Variants in XKR9 observed in about 807,000 individuals in gnomAD.
XKR9 encodes the protein XK related 9.
Under a neutral mutation model 32.0 loss-of-function variants are expected in XKR9, and 32 were observed. The observed-to-expected ratio is 1.00, with a 90% CI of 0.76 to 1.34. The LOEUF (loss-of-function observed/expected upper bound fraction) is 1.34. Ranked by LOEUF, XKR9 falls within the 40% of genes most tolerant of loss-of-function variation. XKR9 has a pLI of 0.00. For missense variants in XKR9, 546 were observed against 429.7 expected (o/e 1.27, Z -2.39); for synonymous variants, 168 against 143.4 (o/e 1.17, Z -1.22).
intron 3 of XKR9, among the ~76,000 whole-genome samples, chr8:70,693,985 G>A (rs1156925272): frequency 5.9e-5 from 9 of 152,180 alleles, no homozygotes; most frequent in Admixed American, 5.9e-4. Context: ...GGTGGTTGGA[G>A]GCCCAGGGCT....
At chr8:70,873,451 A>T in the XKR9 span, among the ~76,000 whole-genome samples, 2 of 152,240 alleles carry the variant, frequency 1.3e-5, no homozygotes, top group Non-Finnish European at 2.9e-5. Flanking sequence ...TACATGAGAG[A>T]AAGTCAAAAT....
the XKR9 span, among the ~76,000 whole-genome samples, chr8:70,861,329 G>T: frequency 1.3e-5 from 2 of 152,020 alleles, no homozygotes; most frequent in Non-Finnish European, 1.5e-5. Flanking sequence ...TCTGTAAAAT[G>T]GAGATTATAA....
chr8:71,028,523 A>G, the XKR9 span, among the ~76,000 whole-genome samples: 1 of 152,156 alleles, frequency 6.6e-6, no homozygotes, highest in East Asian at 1.9e-4. Flanking sequence ...GTCAAAGGGT[A>G]CAAATTTTCA....
chr8:71,025,885 G>A, the XKR9 span, among the ~76,000 whole-genome samples: 4 of 151,960 alleles, frequency 2.6e-5, no homozygotes, highest in Non-Finnish European at 2.9e-5. Context: ...CTTCCAACCC[G>A]GCCCTCATGT....
At chr8:70,823,157 G>T in the XKR9 span, among the ~76,000 whole-genome samples, 9,566 of 152,234 alleles carry the variant, frequency 0.063, 422 homozygotes, top group Non-Finnish European at 0.089. Flanking sequence ...ATGCCTTAAT[G>T]GTCCGGAGTT....
At chr8:70,867,287 A>AT in the XKR9 span, among the ~76,000 whole-genome samples, 1 of 152,082 alleles carries the variant, frequency 6.6e-6, no homozygotes, top group Admixed American at 6.6e-5. Flanking sequence ...CCATAATTAA[A>AT]TTACCTCCCA....
At chr8:70,744,416 T>C (rs991006650) in intron 2 of XKR9, among the ~76,000 whole-genome samples, 5 of 152,134 alleles carry the variant, frequency 3.3e-5, no homozygotes, top group Non-Finnish European at 5.9e-5. Context: ...AAAACTGCAA[T>C]ATAGATATTA....
chr8:70,905,816 T>G, the XKR9 span, among the ~76,000 whole-genome samples: 1 of 152,238 alleles, frequency 6.6e-6, no homozygotes, highest in Non-Finnish European at 1.5e-5. Context: ...GGTGTGGATG[T>G]CCTTTCTGTT....
intron 2 of XKR9, among the ~76,000 whole-genome samples, chr8:70,759,147 A>G (rs1807270773): frequency 6.6e-6 from 1 of 152,208 alleles, no homozygotes; most frequent in Non-Finnish European, 1.5e-5. Flanking sequence ...CCAGTTTTTC[A>G]TCAAAAATGG....
At chr8:70,700,670 G>T (rs1406854858) in intron 3 of XKR9, among the ~76,000 whole-genome samples, 1 of 152,170 alleles carries the variant, frequency 6.6e-6, no homozygotes, top group Non-Finnish European at 1.5e-5. Context: ...TGCCCGTTCT[G>T]AGATCTCCAG....
At chr8:70,893,678 A>G in the XKR9 span, among the ~76,000 whole-genome samples, 1 of 152,136 alleles carries the variant, frequency 6.6e-6, no homozygotes, top group Non-Finnish European at 1.5e-5. Flanking sequence ...TAACAGTGGC[A>G]GTGGTGTAGG....
chr8:70,875,198 A>T, the XKR9 span, among the ~76,000 whole-genome samples: 52 of 152,214 alleles, frequency 3.4e-4, no homozygotes, highest in South Asian at 3.7e-3. Flanking sequence ...TTTCCCCTAT[A>T]TTACATATTT....
chr8:70,805,339 C>T, the XKR9 span, among the ~76,000 whole-genome samples: 1 of 152,222 alleles, frequency 6.6e-6, no homozygotes, highest in Non-Finnish European at 1.5e-5. Context: ...CCCAGAGCTG[C>T]GCATATTCTC....
the XKR9 span, among the ~76,000 whole-genome samples, chr8:71,016,361 TAGG>T: frequency 4.2e-3 from 635 of 152,136 alleles, 7 homozygotes; most frequent in African/African-American, 0.015. Flanking sequence ...GCCACGCAAT[TAGG>T]AGGAGATCAG....
intron 2 of XKR9, among the ~76,000 whole-genome samples, chr8:70,786,871 G>A (rs1251394461): frequency 6.6e-6 from 1 of 152,002 alleles, no homozygotes; most frequent in Non-Finnish European, 1.5e-5. Context: ...GTCTTCCTTC[G>A]TGGTTGATGG....
the XKR9 span, among the ~76,000 whole-genome samples, chr8:70,972,374 T>C: frequency 1.3e-5 from 2 of 152,156 alleles, no homozygotes; most frequent in Non-Finnish European, 2.9e-5. Flanking sequence ...CTTGTGTCTT[T>C]AGGGTTTTCT....
At chr8:70,807,031 C>G in the XKR9 span, among the ~76,000 whole-genome samples, 2 of 152,128 alleles carry the variant, frequency 1.3e-5, no homozygotes, top group Non-Finnish European at 1.5e-5. Flanking sequence ...GTCAGGTCAT[C>G]TACAAAGGGA....
rs188468894 is a variant in XKR9, at chr8:70,761,374, T to G, written n.353-27965T>G. On this transcript the variant is annotated intron_variant and non_coding_transcript_variant, in intron 2 of 3. Coordinates refer to the XKR9 transcript ENST00000520273. ...TTTCACCACAGCCTCACCAGCATTT[T>G]TTTTTGACTTTTTAATAAAAGCCAC... is the stretch of plus-strand genomic sequence containing the variant. Among the ~76,000 whole-genome samples the G allele has an allele frequency of 2.0e-3, 301 of 152,088 alleles. 3 individuals are homozygous for G. Among genetic ancestry groups the G allele is most frequent in the Non-Finnish European group, 2.2e-3 (149 of 67,892 alleles).
At chr8:70,784,657 A>C (rs1183964194) in intron 2 of XKR9, among the ~76,000 whole-genome samples, 3 of 151,904 alleles carry the variant, frequency 2.0e-5, no homozygotes, top group African/African-American at 7.3e-5. Context: ...TGACAGGTTT[A>C]CTTCTTTCTT....
Sources: gnomAD v4.1 joint callset for allele counts (sites outside exome capture counted in the v4.1 genomes callset) on GRCh38, gnomAD v4.1.1 for gene constraint, MANE v1.5 for transcripts, NCBI Gene and HGNC (gene_info 2026-07-23, HGNC 2026-07-21) for gene names.